The following EPB41L1 variants were observed in gnomAD, a reference collection of about 807,000 sequenced individuals.
EPB41L1 encodes the protein erythrocyte membrane protein band 4.1 like 1, also known as band 4.1-like protein 1.
EPB41L1 carries 29 observed loss-of-function variants against 97.8 expected under a neutral mutation model. That is an observed-to-expected ratio of 0.30 (90% CI 0.22 to 0.40). The LOEUF (loss-of-function observed/expected upper bound fraction) is 0.40. Among genes scored for constraint, EPB41L1 ranks in the 10% least tolerant of loss-of-function variants. The pLI is 1.00. For missense variants in EPB41L1, 812 were observed against 1,162.3 expected, an observed-to-expected ratio of 0.70 and a Z score of 4.38; for synonymous variants, 383 against 459.2, an observed-to-expected ratio of 0.83 and a Z score of 2.12.
At chr20:36,203,633 A>G (rs2062621827) in intron 14 of EPB41L1, among the ~76,000 whole-genome samples, 1 of 152,234 alleles carries the variant, frequency 6.6e-6, no homozygotes, top group African/African-American at 2.4e-5. Flanking sequence ...TCTCAAGGAA[A>G]TGAGCAAAAG....
chr20:36,221,817 G>A, intron 19 of EPB41L1, 47 bp from the exon 20 acceptor site: 1 of 1,575,156 alleles, frequency 6.3e-7, no homozygotes, highest in Non-Finnish European at 8.7e-7. Context: ...TGAGGCTGCT[G>A]CCCCAACAGG....
intron 2 of EPB41L1, among the ~76,000 whole-genome samples, chr20:36,142,764 C>A (rs1383794036): frequency 6.6e-6 from 1 of 152,084 alleles, no homozygotes; most frequent in Non-Finnish European, 1.5e-5. Flanking sequence ...CTGTGTTGGC[C>A]CGACTGTATT....
chr20:36,177,823 C>A, intron 3 of EPB41L1, 129 bp from the exon 4 acceptor site: 1 of 750,828 alleles, frequency 1.3e-6, no homozygotes, highest in Non-Finnish European at 2.3e-6. Flanking sequence ...GTGGCAGGAG[C>A]GCTGCATTCC....
rs183727778 is a variant in EPB41L1, at chr20:36,205,492, C to T, written c.1669-3996C>T. Reference sequence around the variant, plus strand: ...TGATGGAAATGACTTTCCCCTCTGACGGTGGCAGTTATGTTATTAAAAGAG... The same window carrying T: ...TGATGGAAATGACTTTCCCCTCTGATGGTGGCAGTTATGTTATTAAAAGAG... On this transcript the variant is annotated intron_variant, in intron 14 of 21. Transcript: ENST00000338074. Among the ~76,000 whole-genome samples, 24 of 152,296 alleles carry T rather than the reference C, an allele frequency of 1.6e-4. No individual in the cohort carries two copies. In the South Asian group the frequency reaches 2.5e-3, roughly 16 times the overall value.
intron 2 of EPB41L1, among the ~76,000 whole-genome samples, chr20:36,140,761 AT>A (rs949233235): frequency 1.3e-5 from 2 of 152,078 alleles, no homozygotes; most frequent in African/African-American, 4.8e-5. Context: ...ATCCAGGCTG[AT>A]TTCATCTCCT....
Position 36,175,056 on chromosome 20 carries a change from C to T in EPB41L1, c.178-495C>T, listed in dbSNP as rs142626585. 4.3e-3 allele frequency among the ~76,000 whole-genome samples: 658 copies of T among 152,306 alleles called. 5 individuals carry two copies. The highest frequency in any genetic ancestry group is 0.015 in the African/African-American group (625 of 41,558). On this transcript the variant is annotated intron_variant, in intron 2 of 21. Transcript: ENST00000338074. ...AGGCCTGGAGGGGGCAGGGACTTGG[C>T]CAAGATCACTGAGGGCATCAGCAGT...
chr20:36,147,645 C>A (rs139997710), intron 2 of EPB41L1, among the ~76,000 whole-genome samples: 1 of 152,342 alleles, frequency 6.6e-6, no homozygotes, highest in East Asian at 1.9e-4. Flanking sequence ...ACAGTGCCAG[C>A]ACATAAGTGG....
At chr20:36,146,497 A>G (rs2059837518) in intron 2 of EPB41L1, among the ~76,000 whole-genome samples, 2 of 152,264 alleles carry the variant, frequency 1.3e-5, no homozygotes, top group South Asian at 2.1e-4. Context: ...TTACATACAC[A>G]GACGACTTCT....
Position 36,207,686 on chromosome 20 carries a change from C to G in EPB41L1, c.1669-1802C>G. ...GCTACCAGACACTTCAGGGAGGACACTTCTGCATCCTACCAGGAAGCACAC... is the reference window on the plus strand; with the variant it reads ...GCTACCAGACACTTCAGGGAGGACAGTTCTGCATCCTACCAGGAAGCACAC... On this transcript the variant is annotated intron_variant, in intron 14 of 21. Transcript: ENST00000338074. The surrounding 1 kb of genome is among the most constrained non-coding windows in gnomAD (Gnocchi z 4.9). The G allele has an allele frequency of 7.8e-7, 1 of 1,290,122 alleles. No individual in the cohort carries two copies. Among genetic ancestry groups the G allele is most frequent in the South Asian group, 1.2e-5 (1 of 81,032 alleles). 79.9% of individuals were successfully genotyped at this position (1,290,122 alleles called of 1,614,324 possible).
intron 2 of EPB41L1, among the ~76,000 whole-genome samples, chr20:36,131,121 A>G (rs1236865744): frequency 1.3e-5 from 2 of 151,954 alleles, no homozygotes; most frequent in South Asian, 2.1e-4. Context: ...GGTTACAGGC[A>G]TGTGCCACCA....
In EPB41L1 at chr20:36,195,329, C is replaced by G; in HGVS notation, c.1450C>G (p.Pro484Ala). 1.2e-6 allele frequency: 2 copies of G among 1,614,034 alleles called. No homozygotes were observed. The highest frequency in any genetic ancestry group is 1.7e-6 in the Non-Finnish European group (2 of 1,179,992). The part of the protein sequence containing the change: ...RTPTKIKELK[P>A]EQETTPRHKQ... ...TTTCCCTCCTACCACATCCCACTAG[C>G]CGGAGCAGGAAACCACGCCGAGACA... Residue 484 changes from proline to alanine, a missense_variant and splice_region_variant, in exon 13 of 22, where the codon CCG (proline) becomes GCG (alanine). By Grantham distance (27) the Pro-to-Ala change is conservative (BLOSUM62 -1). This residue lies in a region of EPB41L1 where 498 missense variants were observed against 622.7 expected (regional missense o/e 0.80). Coordinates refer to ENST00000338074, the MANE Select transcript of EPB41L1 (RefSeq NM_012156.2). This position sits in a 1 kb window ranked among gnomAD's most constrained non-coding sequence, Gnocchi z 4.6.
chr20:36,109,130 G>A (rs2058303253), intron 1 of EPB41L1, among the ~76,000 whole-genome samples: 1 of 151,874 alleles, frequency 6.6e-6, no homozygotes, highest in Non-Finnish European at 1.5e-5. Flanking sequence ...TGTATTTTTA[G>A]TAGAGACGGG....
At chr20:36,154,581 G>A (rs541774308), upstream of EPB41L1, among the ~76,000 whole-genome samples, 62 of 147,476 alleles carry the variant, frequency 4.2e-4, no homozygotes, top group African/African-American at 1.5e-3. This position sits in a 1 kb window ranked among gnomAD's most constrained non-coding sequence, Gnocchi z 5.5. Flanking sequence ...GCCGCGGCGC[G>A]CTGGGAGGCA....
intron 1 of EPB41L1, among the ~76,000 whole-genome samples, chr20:36,171,166 T>C (rs2060972858): frequency 6.6e-6 from 1 of 151,476 alleles, no homozygotes; most frequent in African/African-American, 2.4e-5. Context: ...CAAAATTAAG[T>C]AGGCAGTTAT....
In EPB41L1 at chr20:36,092,138, G is replaced by C. The variant is rs904696494; in HGVS notation, c.-65+526G>C. Among the ~76,000 whole-genome samples the C allele has an allele frequency of 6.6e-6, 1 of 152,174 alleles. No homozygotes were observed. The highest frequency in any genetic ancestry group is 1.5e-5 in the Non-Finnish European group (1 of 68,030). Reference sequence around the variant, plus strand: ...GCGAGCCCTGGCCGCGGGAACAATGGGAGCGCGGCGTGGAAAAGGGTGGGC... The same window carrying C: ...GCGAGCCCTGGCCGCGGGAACAATGCGAGCGCGGCGTGGAAAAGGGTGGGC... On this transcript the variant is annotated intron_variant, in intron 1 of 19. Transcript: ENST00000202028. This position sits in a 1 kb window ranked among gnomAD's most constrained non-coding sequence, Gnocchi z 7.0.
intron 1 of EPB41L1, among the ~76,000 whole-genome samples, chr20:36,099,903 C>A (rs915828683): frequency 2.0e-5 from 3 of 152,186 alleles, no homozygotes; most frequent in Non-Finnish European, 4.4e-5. Flanking sequence ...GAGGATGCAA[C>A]AGGAGAGTGT....
intron 1 of EPB41L1, among the ~76,000 whole-genome samples, chr20:36,166,629 G>A (rs1188992397): frequency 6.6e-6 from 1 of 152,202 alleles, no homozygotes; most frequent in Non-Finnish European, 1.5e-5. Flanking sequence ...ACTCACACCT[G>A]TAATCCTAGC....
At chr20:36,163,616 G>A (rs2060619166) in intron 1 of EPB41L1, among the ~76,000 whole-genome samples, 2 of 152,120 alleles carry the variant, frequency 1.3e-5, no homozygotes, top group Admixed American at 6.5e-5. Flanking sequence ...ATGTGAGCAG[G>A]GTGAGGGGAA....
At chr20:36,109,538 C>T (rs1335249729) in intron 1 of EPB41L1, 1 of 152,158 alleles carries the variant, frequency 6.6e-6, no homozygotes, top group Non-Finnish European at 1.5e-5. Flanking sequence ...TCCAGCAGCT[C>T]ATATTCAGTT....
Sources: allele counts gnomAD v4.1 joint callset (sites outside exome capture counted in the v4.1 genomes callset), GRCh38; gene constraint gnomAD v4.1.1; regional missense constraint gnomAD v4.1.1; non-coding constraint Gnocchi (gnomAD v3.1); transcripts MANE v1.5; gene names NCBI Gene and HGNC (gene_info 2026-07-23, HGNC 2026-07-21).